SDK1: variants seen among roughly 807,000 people sequenced by gnomAD.
SDK1 encodes sidekick cell adhesion molecule 1.
A neutral mutation model predicts 245.5 loss-of-function variants in SDK1; 157 were observed. That is an observed-to-expected ratio of 0.64 (90% CI 0.56 to 0.73). The LOEUF (loss-of-function observed/expected upper bound fraction) is 0.73, where lower values mean the gene tolerates loss of function less well. Among genes scored for constraint, SDK1 ranks in the 30% least tolerant of loss-of-function variants. SDK1 has a pLI of 0.00. For synonymous variants in SDK1, 1,647 were observed against 1,278.5 expected (o/e 1.29, Z -6.15); for missense variants, 3,583 against 3,002.3 (o/e 1.19, Z -4.52).
chr7:3,959,772 T>G (rs1237940964), intron 8 of SDK1, among the ~76,000 whole-genome samples: 1 of 152,144 alleles, frequency 6.6e-6, no homozygotes, highest in East Asian at 1.9e-4. Flanking sequence ...GGCCGAATAG[T>G]ATTTGAATAG....
intron 7 of SDK1, among the ~76,000 whole-genome samples, chr7:3,956,301 C>T (rs1393565921): frequency 6.6e-6 from 1 of 152,148 alleles, no homozygotes; most frequent in African/African-American, 2.4e-5. Context: ...GGGCTTTTCA[C>T]GGTCCATAGG....
At chr7:3,829,446 A>C (rs559139104) in intron 5 of SDK1, among the ~76,000 whole-genome samples, 102 of 152,278 alleles carry the variant, frequency 6.7e-4, no homozygotes, top group Middle Eastern at 3.4e-3. Context: ...CCTGTGAGTT[A>C]ACAATCAACT....
rs560374030 is a variant in SDK1 at position 4,146,011 on chromosome 7, C to T, written c.4423+95C>T. ...GGTCTGCGGGGTACCTGGGAGGCTT[C>T]GGCCTTCCCTTCGGAGAAAGAGAAG... On this transcript the variant is annotated intron_variant, in intron 29 of 44. Transcript: ENST00000404826. 43 of 1,106,184 alleles carry T rather than the reference C, an allele frequency of 3.9e-5. 1 individual carries two copies. The highest frequency in any genetic ancestry group is 2.4e-4 in the African/African-American group (15 of 63,606). The allele number at this position is 1,106,184 out of a possible 1,614,324, so 68.5% of individuals were successfully genotyped here. A position where few individuals can be genotyped will look rare whatever the true frequency, so the allele number is the denominator to read the frequency against.
At chr7:3,925,566 G>A (rs765364526) in intron 5 of SDK1, among the ~76,000 whole-genome samples, 5 of 152,140 alleles carry the variant, frequency 3.3e-5, no homozygotes, top group African/African-American at 1.2e-4. Context: ...CTCCAGAGAC[G>A]GCGTGTTCTC....
At chr7:3,454,293 C>T (rs1187199303) in intron 1 of SDK1, among the ~76,000 whole-genome samples, 1 of 151,808 alleles carries the variant, frequency 6.6e-6, no homozygotes, top group Admixed American at 6.6e-5. Flanking sequence ...AGAGTTTCAT[C>T]TTTATCATTC....
rs1784895269 is a variant in SDK1, at chr7:3,706,558, C to A, written c.713+64453C>A. On this transcript the variant is annotated intron_variant, in intron 4 of 44. Transcript: ENST00000404826. The stretch of plus-strand genomic sequence containing the variant: ...CTGGGACTACAGGTGCCCGCCACCA[C>A]ACCCGGCTAATTTTTTTGTATTTTT... Among the ~76,000 whole-genome samples the A allele has an allele frequency of 2.6e-5, 4 of 152,290 alleles. No homozygotes were observed. The South Asian group carries it at 8.3e-4, about 32-fold the overall frequency.
chr7:3,454,555 C>T (rs1191132944), intron 1 of SDK1, among the ~76,000 whole-genome samples: 2 of 152,106 alleles, frequency 1.3e-5, no homozygotes, highest in African/African-American at 4.8e-5. Flanking sequence ...TTCCCAATCT[C>T]TGATCAGCTG....
chr7:3,979,494 T>A (rs912646932), intron 13 of SDK1, among the ~76,000 whole-genome samples: 3 of 152,120 alleles, frequency 2.0e-5, no homozygotes, highest in Admixed American at 6.5e-5. Flanking sequence ...AGGTATACAG[T>A]AGGAACCTAA....
chr7:4,172,503 C>T (rs551995970), intron 32 of SDK1, among the ~76,000 whole-genome samples: 7 of 152,268 alleles, frequency 4.6e-5, no homozygotes, highest in South Asian at 2.1e-4. Flanking sequence ...AAAGAAAAAG[C>T]GATTTCTCTA....
intron 1 of SDK1, among the ~76,000 whole-genome samples, chr7:3,538,793 A>G (rs1430809918): frequency 1.3e-5 from 2 of 152,228 alleles, no homozygotes; most frequent in Non-Finnish European, 2.9e-5. Context: ...GCCCAGATCA[A>G]GAGGAAGTCA....
At chr7:3,954,995 C>T (rs1781144139) in intron 7 of SDK1, among the ~76,000 whole-genome samples, 1 of 152,096 alleles carries the variant, frequency 6.6e-6, no homozygotes, top group South Asian at 2.1e-4. Flanking sequence ...AAGGATGCCC[C>T]TTACCTCTGA....
chr7:3,901,128 G>A (rs183726714), intron 5 of SDK1, among the ~76,000 whole-genome samples: 1 of 152,218 alleles, frequency 6.6e-6, no homozygotes, highest in Admixed American at 6.5e-5. Flanking sequence ...ATGTCCTTCA[G>A]TCTTGAATTT....
chr7:3,632,219 G>A (rs1010199850), intron 2 of SDK1, among the ~76,000 whole-genome samples: 1 of 152,146 alleles, frequency 6.6e-6, no homozygotes, highest in Non-Finnish European at 1.5e-5. Flanking sequence ...AGTCATCTGT[G>A]CTTCACTAAA....
chr7:4,020,894 A>C (rs1786836029), intron 17 of SDK1, among the ~76,000 whole-genome samples: 1 of 152,222 alleles, frequency 6.6e-6, no homozygotes, highest in South Asian at 2.1e-4. Flanking sequence ...ACTACGTGTG[A>C]AAAGGCTTTC....
intron 4 of SDK1, among the ~76,000 whole-genome samples, chr7:3,691,903 C>G (rs538127068): frequency 5.9e-5 from 9 of 152,240 alleles, no homozygotes; most frequent in African/African-American, 1.9e-4. Context: ...AATAGCTTAT[C>G]TGAGCCTTTT....
chr7:3,754,819 T>G (rs985379247), intron 4 of SDK1, among the ~76,000 whole-genome samples: 5 of 152,164 alleles, frequency 3.3e-5, no homozygotes, highest in Non-Finnish European at 7.4e-5. Context: ...ATGATGGCGT[T>G]AGTTAGGGGA....
Position 4,012,188 on chromosome 7 carries a change from AC to A in SDK1, c.2378del (p.Pro793GlnfsTer35), listed in dbSNP as rs1562666635. ...NQSIMVQWQP[P>X]PETEHNGVLR... ...AGTCCATTATGGTCCAGTGGCAGCC[AC>A]CCCCAGAAACAGAGCACAACGGGGT... On this transcript the variant is annotated frameshift_variant, in exon 16 of 45. Coordinates refer to ENST00000404826, the MANE Select transcript of SDK1 (RefSeq NM_152744.4). LOFTEE classifies it high-confidence loss of function. The A allele has an allele frequency of 6.4e-7, 1 of 1,570,820 alleles. No homozygotes were observed.
At chr7:3,786,551 A>G (rs919659656) in intron 4 of SDK1, among the ~76,000 whole-genome samples, 1 of 152,236 alleles carries the variant, frequency 6.6e-6, no homozygotes, top group Admixed American at 6.5e-5. Context: ...AAGAATACAG[A>G]CAAAAATGCA....
At chr7:4,131,446 C>A (rs946914839) in intron 27 of SDK1, among the ~76,000 whole-genome samples, 6 of 152,208 alleles carry the variant, frequency 3.9e-5, no homozygotes, top group Admixed American at 3.3e-4. Flanking sequence ...CCAAAATAGG[C>A]GTCATAACAC....
Sources: gnomAD v4.1 joint callset for allele counts (sites outside exome capture counted in the v4.1 genomes callset) on GRCh38, gnomAD v4.1.1 for gene constraint, MANE v1.5 for transcripts, NCBI Gene and HGNC (gene_info 2026-07-23, HGNC 2026-07-21) for gene names.